The following FAM178B variants were observed in gnomAD, a reference collection of about 807,000 sequenced individuals.
The protein encoded by FAM178B is protein FAM178B.
A neutral mutation model predicts 91.7 loss-of-function variants in FAM178B; 82 were observed. That is an observed-to-expected ratio of 0.89 (90% CI 0.75 to 1.07). FAM178B has a LOEUF of 1.07. FAM178B is among the 50% of genes least tolerant of loss of function. The probability of loss-of-function intolerance (pLI) is 0.00; values close to 1 mark genes in which losing one functional copy is unlikely to be tolerated. For synonymous variants in FAM178B, 368 were observed against 359.4 expected, an observed-to-expected ratio of 1.02 and a Z score of -0.27; for missense variants, 769 against 846.7, an observed-to-expected ratio of 0.91 and a Z score of 1.14.
chr2:96,904,541 A>ATT (rs11284849), intron 12 of FAM178B, among the ~76,000 whole-genome samples: 106 of 96,642 alleles, frequency 1.1e-3, no homozygotes, highest in East Asian at 2.1e-3. Flanking sequence ...ATGCCTGGCT[A>ATT]TTTTTTTTTT....
chr2:96,895,527 T>C (rs796356884), intron 13 of FAM178B, among the ~76,000 whole-genome samples: 11 of 152,358 alleles, frequency 7.2e-5, no homozygotes, highest in African/African-American at 2.6e-4. Flanking sequence ...GCCCAGTGCA[T>C]GCACTTGATT....
At chr2:96,946,786 C>T (rs2081836241) in intron 8 of FAM178B, among the ~76,000 whole-genome samples, 1 of 152,256 alleles carries the variant, frequency 6.6e-6, no homozygotes. Flanking sequence ...CTCCAAAGTG[C>T]ATCGGGGGCT....
At chr2:96,916,373 C>CG (rs2081241211) in intron 12 of FAM178B, among the ~76,000 whole-genome samples, 1 of 152,220 alleles carries the variant, frequency 6.6e-6, no homozygotes, top group Admixed American at 6.5e-5. Flanking sequence ...AGCCGTTTTA[C>CG]GCAGGCTTTG....
chr2:96,929,534 T>C (rs935230524), intron 8 of FAM178B, among the ~76,000 whole-genome samples: 2 of 152,242 alleles, frequency 1.3e-5, no homozygotes, highest in African/African-American at 4.8e-5. Flanking sequence ...AATATTCTCT[T>C]ACCTGGTCTT....
At position 96,902,660 on chromosome 2, in the gene FAM178B, C is replaced by A. The variant is rs1381955044; in HGVS notation, c.1610G>T (p.Gly537Val). ...LSLVVIARMLGQQEMLPLWQE... is the reference protein window; with the variant it reads ...LSLVVIARMLVQQEMLPLWQE... ...CCAGAGAGGGAGCATCTCCTGCTGG[C>A]CCAGCATTCGAGCAATGACCACAAG... The change falls in exon 13 of 17, where the codon GGC becomes GTC. Residue 537 changes from glycine to valine, a missense_variant. Physicochemically the swap from Gly to Val is moderately radical, Grantham distance 109. Transcript: ENST00000490605. The A allele has an allele frequency of 6.4e-7, 1 of 1,550,832 alleles. No homozygotes were observed. The highest frequency in any genetic ancestry group is 8.7e-7 in the Non-Finnish European group (1 of 1,146,656).
intron 13 of FAM178B, among the ~76,000 whole-genome samples, chr2:96,900,988 C>A (rs1451587941): frequency 6.6e-6 from 1 of 152,106 alleles, no homozygotes; most frequent in Admixed American, 6.5e-5. Flanking sequence ...CCCAGCAGCT[C>A]TTCTCCCAGG....
chr2:96,933,200 G>A (rs1170270315), intron 8 of FAM178B, among the ~76,000 whole-genome samples: 1 of 152,128 alleles, frequency 6.6e-6, no homozygotes, highest in South Asian at 2.1e-4. Flanking sequence ...CCGAGATCGC[G>A]CCACTGCACT....
At chr2:96,960,010 C>T (rs2082057317) in intron 6 of FAM178B, among the ~76,000 whole-genome samples, 1 of 152,188 alleles carries the variant, frequency 6.6e-6, no homozygotes, top group Admixed American at 6.5e-5. Context: ...TGTTCTGTGA[C>T]ACTGGGGTGT....
intron 5 of FAM178B, among the ~76,000 whole-genome samples, chr2:96,962,159 G>A (rs1477357233): frequency 6.6e-6 from 1 of 152,108 alleles, no homozygotes; most frequent in Non-Finnish European, 1.5e-5. Context: ...AAAATTAGCT[G>A]GGCGTGGTAG....
intron 1 of FAM178B, among the ~76,000 whole-genome samples, chr2:96,977,285 C>T (rs547975652): frequency 1.9e-4 from 26 of 140,212 alleles, no homozygotes; most frequent in Admixed American, 1.5e-3. Context: ...TTCAGCAGGC[C>T]GAGGTAGGAT....
intron 1 of FAM178B, among the ~76,000 whole-genome samples, chr2:96,975,094 C>CAAAA (rs34807786): frequency 5.7e-4 from 32 of 56,222 alleles, no homozygotes; most frequent in Admixed American, 8.5e-4. Context: ...GACTCTGTCT[C>CAAAA]AAAAAAAAAA....
intron 5 of FAM178B, among the ~76,000 whole-genome samples, chr2:96,963,287 G>C (rs1574309075): frequency 6.6e-6 from 1 of 152,224 alleles, no homozygotes; most frequent in Non-Finnish European, 1.5e-5. Flanking sequence ...TGGCTATGTA[G>C]CTAGTGAGTG....
intron 12 of FAM178B, among the ~76,000 whole-genome samples, chr2:96,915,967 G>A (rs145830591): frequency 1.1e-4 from 17 of 152,142 alleles, no homozygotes; most frequent in African/African-American, 3.6e-4. Context: ...TCCACTCAGC[G>A]TATTTCATTA....
intron 13 of FAM178B, among the ~76,000 whole-genome samples, chr2:96,900,787 G>C (rs1424280017): frequency 6.6e-6 from 1 of 152,164 alleles, no homozygotes; most frequent in Admixed American, 6.5e-5. Context: ...AACCCCACCG[G>C]TCACCTCTCT....
At chr2:96,922,161 C>A (rs146436236) in intron 10 of FAM178B, among the ~76,000 whole-genome samples, 1 of 152,124 alleles carries the variant, frequency 6.6e-6, no homozygotes, top group Non-Finnish European at 1.5e-5. Flanking sequence ...TTACACATGC[C>A]GTGGCAATGT....
At chr2:96,965,789 A>G (rs1381650431) in intron 5 of FAM178B, among the ~76,000 whole-genome samples, 3 of 151,406 alleles carry the variant, frequency 2.0e-5, no homozygotes, top group African/African-American at 7.3e-5. Flanking sequence ...TTTAAAGATA[A>G]CTCCAACCTT....
Position 96,977,262 on chromosome 2 carries a change from G to A in FAM178B, c.74-4656C>T, listed in dbSNP as rs1250587855. 2.0e-5 allele frequency among the ~76,000 whole-genome samples: 3 copies of A among 146,890 alleles called. No homozygotes were observed. The Admixed American group carries it at 2.1e-4, about 10-fold the overall frequency. On this transcript the variant is annotated intron_variant, in intron 1 of 16. Coordinates refer to ENST00000490605, the MANE Select transcript of FAM178B (RefSeq NM_001122646.3). ...TAGCCAGGCGTGGTGGCATGAGCCT[G>A]TAATCCCCGCTATTCAGCAGGCCGA...
chr2:96,958,164 A>G (rs2082027230), intron 6 of FAM178B, among the ~76,000 whole-genome samples: 1 of 146,342 alleles, frequency 6.8e-6, no homozygotes, highest in African/African-American at 2.6e-5. Flanking sequence ...CGCCTCCCGG[A>G]TTCATGCCTA....
chr2:96,949,225 G>C (rs2081884111), intron 7 of FAM178B, among the ~76,000 whole-genome samples: 1 of 152,150 alleles, frequency 6.6e-6, no homozygotes, highest in Admixed American at 6.5e-5. Flanking sequence ...AACTCAGGCT[G>C]TCCTTTCCAA....
Sources: gnomAD v4.1 joint callset for allele counts (sites outside exome capture counted in the v4.1 genomes callset) on GRCh38, gnomAD v4.1.1 for gene constraint, MANE v1.5 for transcripts, NCBI Gene and HGNC (gene_info 2026-07-23, HGNC 2026-07-21) for gene names.